The following MYO3A variants were observed in gnomAD, a reference collection of about 807,000 sequenced individuals.
The protein encoded by MYO3A is myosin IIIA.
Under a neutral mutation model 192.7 loss-of-function variants are expected in MYO3A, and 180 were observed. That is an observed-to-expected ratio of 0.93 (90% CI 0.83 to 1.06). The LOEUF is 1.06. Among genes scored for constraint, MYO3A ranks in the 50% least tolerant of loss-of-function variants. The probability of loss-of-function intolerance (pLI) is 0.00; values close to 1 mark genes in which losing one functional copy is unlikely to be tolerated. For missense variants in MYO3A, 1,896 were observed against 1,905.0 expected (o/e 1.00, Z 0.09); for synonymous variants, 628 against 645.3 (o/e 0.97, Z 0.41).
At chr10:26,039,037 G>T (rs1221186085) in intron 10 of MYO3A, among the ~76,000 whole-genome samples, 3 of 151,564 alleles carry the variant, frequency 2.0e-5, no homozygotes, top group African/African-American at 7.3e-5. Context: ...TTGTTTGTTT[G>T]TTTGTTTGTT....
chr10:26,157,549 A>C (rs935406043), intron 26 of MYO3A, 34 bp downstream of exon 26: 2 of 1,588,328 alleles, frequency 1.3e-6, no homozygotes, highest in African/African-American at 1.3e-5. Context: ...TCTATTGTGC[A>C]GTTTATATAA....
intron 15 of MYO3A, among the ~76,000 whole-genome samples, chr10:26,094,771 T>C (rs1836912950): frequency 6.6e-6 from 1 of 152,202 alleles, no homozygotes. Context: ...CCATCTACAC[T>C]GAGATTATAC....
intron 32 of MYO3A, among the ~76,000 whole-genome samples, chr10:26,197,282 G>C (rs752041425): frequency 4.0e-5 from 6 of 151,626 alleles, no homozygotes; most frequent in Non-Finnish European, 5.9e-5. Context: ...TGGTGAATGA[G>C]TGCAGTGTTG....
chr10:25,999,787 G>C (rs1042063876), intron 6 of MYO3A, among the ~76,000 whole-genome samples: 5 of 152,252 alleles, frequency 3.3e-5, no homozygotes, highest in Admixed American at 2.0e-4. Flanking sequence ...AGAGTTTCTT[G>C]TCTTAGAAAG....
intron 17 of MYO3A, among the ~76,000 whole-genome samples, chr10:26,110,092 G>A (rs1838068639): frequency 6.6e-6 from 1 of 152,192 alleles, no homozygotes; most frequent in Non-Finnish European, 1.5e-5. Flanking sequence ...CTCGCAAAAA[G>A]TCGTGAGCTG....
At chr10:26,154,209 T>G (rs1283350814) in intron 24 of MYO3A, among the ~76,000 whole-genome samples, 1 of 152,078 alleles carries the variant, frequency 6.6e-6, no homozygotes, top group Non-Finnish European at 1.5e-5. Flanking sequence ...GAGACTGGAG[T>G]CTCACTCTGT....
intron 18 of MYO3A, 52 bp downstream of exon 18, chr10:26,120,854 A>G (rs1305335579): frequency 1.2e-6 from 2 of 1,600,186 alleles, no homozygotes; most frequent in African/African-American, 1.3e-5. Flanking sequence ...ATCTTATGAC[A>G]TACCATAAGT....
At position 26,157,323 on chromosome 10, in the gene MYO3A, A is replaced by T. The variant is rs1405127798; in HGVS notation, c.2807A>T (p.Asp936Val). 6.2e-7 allele frequency: 1 copy of T among 1,613,968 alleles called. No individual in the cohort carries two copies. Among genetic ancestry groups the T allele is most frequent in the African/African-American group, 1.3e-5 (1 of 75,004 alleles). ...VASYFRYSLM[D>V]LLSKMVVGQP... ...TGTGTATTATAGTATTCCCTGATGG[A>T]TTTGTTGTCTAAAATGGTGGTGGGC... Residue 936 changes from aspartate (D) to valine (V), a missense_variant, in exon 26 of 35, where the codon GAT becomes GTT. Physicochemically the swap from Asp to Val is radical, Grantham distance 152. Transcript: ENST00000642920.
At chr10:26,207,686 T>C (rs1452937347) in intron 34 of MYO3A, among the ~76,000 whole-genome samples, 1 of 152,250 alleles carries the variant, frequency 6.6e-6, no homozygotes, top group East Asian at 1.9e-4. Flanking sequence ...CTTTTTAATA[T>C]AGTTTGAAAT....
chr10:26,000,779 T>G, intron 6 of MYO3A, among the ~76,000 whole-genome samples: 1 of 152,124 alleles, frequency 6.6e-6, no homozygotes, highest in East Asian at 1.9e-4. Context: ...TCTTACCTTC[T>G]GTATTAGCCC....
At chr10:25,943,983 C>G (rs1003816215) in intron 2 of MYO3A, among the ~76,000 whole-genome samples, 1 of 151,906 alleles carries the variant, frequency 6.6e-6, no homozygotes, top group Non-Finnish European at 1.5e-5. Flanking sequence ...TGTTCCTGAT[C>G]TTAGGAAAGA....
In MYO3A at chr10:26,193,298, A is replaced by T; in HGVS notation, c.4532A>T (p.Tyr1511Phe). 6.2e-7 allele frequency: 1 copy of T among 1,611,976 alleles called. No homozygotes were observed. Among genetic ancestry groups the T allele is most frequent in the South Asian group, 1.1e-5 (1 of 90,986 alleles). Residue 1511 changes from tyrosine (Y) to phenylalanine (F), a missense_variant, in exon 32 of 35, where the codon TAT becomes TTT. Transcript: ENST00000642920. ...TLNNPEDSTY[Y>F]YLLHKSIQEE... ...AATAACCCTGAAGACTCCACATACTATTATCTACTTCATGTAAGTGGCTCA... is the reference window on the plus strand; with the variant it reads ...AATAACCCTGAAGACTCCACATACTTTTATCTACTTCATGTAAGTGGCTCA...
intron 25 of MYO3A, among the ~76,000 whole-genome samples, chr10:26,156,624 C>T (rs543016437): frequency 3.3e-5 from 5 of 152,200 alleles, no homozygotes; most frequent in East Asian, 3.9e-4. Flanking sequence ...ACATATTAAA[C>T]GCTATTGACT....
chr10:26,205,463 CTT>C (rs759042803), intron 34 of MYO3A, among the ~76,000 whole-genome samples: 2,698 of 98,234 alleles, frequency 0.027, 134 homozygotes, highest in African/African-American at 0.098. Context: ...GTGTGCTTGT[CTT>C]TTTTTTTTTT....
chr10:26,037,650 T>TAAAGAACTA (rs1843110410), intron 10 of MYO3A, among the ~76,000 whole-genome samples: 1 of 152,190 alleles, frequency 6.6e-6, no homozygotes, highest in East Asian at 1.9e-4. Context: ...CACACTGCTC[T>TAAAGAACTA]AAAGAACTAC....
At chr10:26,010,225 G>GAAA (rs1429793402) in intron 6 of MYO3A, among the ~76,000 whole-genome samples, 2 of 152,200 alleles carry the variant, frequency 1.3e-5, no homozygotes, top group Non-Finnish European at 2.9e-5. Flanking sequence ...GGACTTCCAA[G>GAAA]AGAAATCACA....
In MYO3A at chr10:26,002,482, C is replaced by T. The variant is rs147928340; in HGVS notation, c.508+5224C>T. 1.1e-3 allele frequency among the ~76,000 whole-genome samples: 173 copies of T among 152,204 alleles called. No homozygotes were observed. In the Middle Eastern group the frequency reaches 0.027, roughly 24 times the overall value. ...GTTCCCCTATTGGCTAGGGTTAGAC[C>T]GCACAGGCTAAACTAATTCTGATTG... On this transcript the variant is annotated intron_variant, in intron 6 of 34. Coordinates refer to ENST00000642920, the MANE Select transcript of MYO3A (RefSeq NM_017433.5).
chr10:26,166,544 A>G (rs947216290), intron 27 of MYO3A, among the ~76,000 whole-genome samples: 5 of 152,328 alleles, frequency 3.3e-5, no homozygotes, highest in African/African-American at 1.2e-4. Context: ...ACTCTAAAGA[A>G]AAGTTTACAT....
chr10:26,061,503 CAG>C (rs1367532893), intron 10 of MYO3A, among the ~76,000 whole-genome samples: 3 of 152,042 alleles, frequency 2.0e-5, no homozygotes, highest in Non-Finnish European at 4.4e-5. Context: ...GAACAAAGTA[CAG>C]AGTCTTGAAA....
Sources: gnomAD v4.1 joint callset for allele counts (sites outside exome capture counted in the v4.1 genomes callset) on GRCh38, gnomAD v4.1.1 for gene constraint, MANE v1.5 for transcripts, NCBI Gene and HGNC (gene_info 2026-07-23, HGNC 2026-07-21) for gene names.